WWOX: variants seen among roughly 807,000 people sequenced by gnomAD.
The protein encoded by WWOX is WW domain-containing oxidoreductase.
A neutral mutation model predicts 46.2 loss-of-function variants in WWOX; 69 were observed. The observed-to-expected ratio is 1.49, with a 90% CI of 1.23 to 1.82. WWOX has a LOEUF of 1.82. Among genes scored for constraint, WWOX ranks in the 40% most tolerant of loss-of-function variants. The pLI is 0.00. For synonymous variants in WWOX, 359 were observed against 202.6 expected (o/e 1.77, Z -6.56); for missense variants, 919 against 542.6 (o/e 1.69, Z -6.89).
chr16:78,839,263 C>A (rs527883818), intron 8 of WWOX, among the ~76,000 whole-genome samples: 1 of 152,226 alleles, frequency 6.6e-6, no homozygotes, highest in African/African-American at 2.4e-5. Context: ...TCTCTTCCTC[C>A]CTTCCAGTCT....
At chr16:79,088,568 G>T (rs1199722992) in intron 8 of WWOX, among the ~76,000 whole-genome samples, 1 of 152,150 alleles carries the variant, frequency 6.6e-6, no homozygotes, top group Non-Finnish European at 1.5e-5. Context: ...TGTTTTCTAT[G>T]GGGGTTTCTT....
rs1391579016 is a variant in WWOX, at chr16:78,368,540, C to G, written c.517-18320C>G. Among the ~76,000 whole-genome samples the G allele has an allele frequency of 2.0e-5, 3 of 152,312 alleles. No individual in the cohort carries two copies. The East Asian group carries it at 5.8e-4, about 29-fold the overall frequency. ...TAGAAGCTCTTCCCATAGAGAACAT[C>G]TATATCCTCAAACCAAGGAGAAAAA... On this transcript the variant is annotated intron_variant, in intron 5 of 8. Transcript: ENST00000566780.
At chr16:78,284,057 G>T (rs1015398193) in intron 5 of WWOX, among the ~76,000 whole-genome samples, 21 of 152,106 alleles carry the variant, frequency 1.4e-4, no homozygotes, top group Admixed American at 3.9e-4. Context: ...AAAACATTTT[G>T]TTAGCTCTTT....
intron 8 of WWOX, among the ~76,000 whole-genome samples, chr16:78,685,115 C>G (rs992306769): frequency 2.6e-5 from 4 of 152,200 alleles, no homozygotes; most frequent in Admixed American, 2.6e-4. Context: ...ATCTCCACTT[C>G]TCTCTGCAGC....
intron 8 of WWOX, among the ~76,000 whole-genome samples, chr16:79,049,465 A>G (rs1050265603): frequency 6.6e-6 from 1 of 152,148 alleles, no homozygotes; most frequent in African/African-American, 2.4e-5. Flanking sequence ...ACCCATTTGC[A>G]GCACAGCTGG....
At chr16:79,072,380 C>G (rs894549749) in intron 8 of WWOX, among the ~76,000 whole-genome samples, 1 of 152,182 alleles carries the variant, frequency 6.6e-6, no homozygotes, top group African/African-American at 2.4e-5. Context: ...TGCACTGCCT[C>G]CCATAGGCAT....
intron 8 of WWOX, among the ~76,000 whole-genome samples, chr16:78,435,114 T>A (rs759717655): frequency 6.6e-6 from 1 of 152,020 alleles, no homozygotes; most frequent in Non-Finnish European, 1.5e-5. Flanking sequence ...GTGTTAGCTG[T>A]TTTGGGAGTA....
chr16:78,870,808 C>A (rs1383770801), intron 8 of WWOX, among the ~76,000 whole-genome samples: 1 of 152,104 alleles, frequency 6.6e-6, no homozygotes, highest in Non-Finnish European at 1.5e-5. Flanking sequence ...CACCGTGTTG[C>A]CCAGGGTTGT....
chr16:79,031,257 G>A (rs142058840), intron 8 of WWOX, among the ~76,000 whole-genome samples: 47 of 152,280 alleles, frequency 3.1e-4, no homozygotes, highest in Non-Finnish European at 5.7e-4. Flanking sequence ...CAGAGCCCAC[G>A]TGTGGGGTGC....
At chr16:78,916,002 G>A (rs1467993006) in intron 8 of WWOX, among the ~76,000 whole-genome samples, 1 of 152,146 alleles carries the variant, frequency 6.6e-6, no homozygotes. Flanking sequence ...CCCACCTATT[G>A]TTTTGAACTC....
chr16:78,710,498 A>ATATATATATATATATATT (rs941311575), intron 8 of WWOX, among the ~76,000 whole-genome samples: 6 of 132,832 alleles, frequency 4.5e-5, no homozygotes, highest in African/African-American at 1.7e-4. Context: ...ATATATATAT[A>ATATATATATATATATATT]TTTATATAAA....
chr16:78,878,101 A>G (rs2044269917), intron 8 of WWOX, among the ~76,000 whole-genome samples: 1 of 152,168 alleles, frequency 6.6e-6, no homozygotes, highest in Non-Finnish European at 1.5e-5. Context: ...TGGCTCAGTA[A>G]GTATCCACTG....
chr16:79,073,293 C>T (rs1013871233), intron 8 of WWOX, among the ~76,000 whole-genome samples: 1 of 151,954 alleles, frequency 6.6e-6, no homozygotes, highest in East Asian at 1.9e-4. Context: ...GGTTCTTCTG[C>T]CTCAGCTTCC....
At chr16:78,987,190 C>G (rs528214325) in intron 8 of WWOX, among the ~76,000 whole-genome samples, 6 of 152,280 alleles carry the variant, frequency 3.9e-5, no homozygotes, top group African/African-American at 7.2e-5. Context: ...TAATGTCTCC[C>G]TGCATCACAA....
At chr16:78,741,042 C>G (rs1478502558) in intron 8 of WWOX, among the ~76,000 whole-genome samples, 1 of 152,168 alleles carries the variant, frequency 6.6e-6, no homozygotes, top group African/African-American at 2.4e-5. Context: ...CAGTGGCCAG[C>G]AAAGTCCCTG....
At chr16:78,452,162 G>T (rs2083705157) in intron 8 of WWOX, among the ~76,000 whole-genome samples, 1 of 152,096 alleles carries the variant, frequency 6.6e-6, no homozygotes, top group Non-Finnish European at 1.5e-5. Flanking sequence ...CTTAATACCA[G>T]GCCAAAAGTA....
chr16:78,147,721 A>C (rs190286931), intron 4 of WWOX, among the ~76,000 whole-genome samples: 140 of 130,088 alleles, frequency 1.1e-3, no homozygotes, highest in African/African-American at 3.9e-3. Flanking sequence ...TGCTTGAATT[A>C]GAAAGGTAGC....
intron 8 of WWOX, among the ~76,000 whole-genome samples, chr16:78,451,277 A>G (rs146648990): frequency 5.5e-4 from 83 of 151,658 alleles, no homozygotes; most frequent in African/African-American, 1.9e-3. Flanking sequence ...ATTTGATACA[A>G]TAGGAGATTC....
intron 5 of WWOX, among the ~76,000 whole-genome samples, chr16:78,378,139 A>G (rs1385181746): frequency 5.9e-5 from 9 of 152,120 alleles, no homozygotes; most frequent in African/African-American, 2.2e-4. Flanking sequence ...CCTAAAAAAA[A>G]GGAAATCCAG....
Sources: gnomAD v4.1 joint callset for allele counts (sites outside exome capture counted in the v4.1 genomes callset) on GRCh38, gnomAD v4.1.1 for gene constraint, MANE v1.5 for transcripts, NCBI Gene and HGNC (gene_info 2026-07-23, HGNC 2026-07-21) for gene names.